SPAG17: variants seen among roughly 807,000 people sequenced by gnomAD.
SPAG17 encodes the protein sperm associated antigen 17.
Under a neutral mutation model 273.6 loss-of-function variants are expected in SPAG17, and 169 were observed. The observed-to-expected ratio is 0.62, with a 90% CI of 0.55 to 0.70. The LOEUF is 0.70. SPAG17 is among the 30% of genes least tolerant of loss of function. SPAG17 has a pLI of 0.00. For synonymous variants in SPAG17, 825 were observed against 873.2 expected (o/e 0.94, Z 0.97); for missense variants, 2,557 against 2,627.8 (o/e 0.97, Z 0.59).
chr1:118,114,690 C>T (rs1243536593), intron 4 of SPAG17, among the ~76,000 whole-genome samples: 2 of 152,028 alleles, frequency 1.3e-5, no homozygotes, highest in African/African-American at 4.8e-5. Flanking sequence ...GGATGTGAAC[C>T]TGGTAGTAGT....
chr1:118,135,370 A>AATGTGTGTGTGTGTGT (rs1658282188), intron 3 of SPAG17, among the ~76,000 whole-genome samples: 3 of 125,820 alleles, frequency 2.4e-5, no homozygotes, highest in Non-Finnish European at 3.3e-5. Flanking sequence ...CAGCTCAAGC[A>AATGTGTGTGTGTGTGT]ATGTGTGTGT....
chr1:117,992,355 G>A, intron 36 of SPAG17, 111 bp downstream of exon 36: 2 of 1,016,546 alleles, frequency 2.0e-6, no homozygotes, highest in African/African-American at 1.6e-5. Context: ...TCCTTGTGTT[G>A]CACTAGACAA....
At chr1:118,082,494 G>C (rs1174024797) in intron 13 of SPAG17, among the ~76,000 whole-genome samples, 2 of 152,188 alleles carry the variant, frequency 1.3e-5, no homozygotes, top group African/African-American at 4.8e-5. Context: ...AGAGGTAAAA[G>C]AGTTACAGAA....
intron 1 of SPAG17, among the ~76,000 whole-genome samples, chr1:118,176,404 C>T (rs377304206): frequency 2.0e-5 from 3 of 152,060 alleles, no homozygotes; most frequent in East Asian, 1.9e-4. Context: ...AAACAGAGCA[C>T]GAATAGCTAT....
chr1:118,003,879 T>C (rs1307910106), intron 32 of SPAG17, among the ~76,000 whole-genome samples: 1 of 152,178 alleles, frequency 6.6e-6, no homozygotes, highest in African/African-American at 2.4e-5. Context: ...CTGTGATCCT[T>C]TGGAGGAGAA....
intron 3 of SPAG17, among the ~76,000 whole-genome samples, chr1:118,141,141 G>A (rs991890543): frequency 3.3e-5 from 5 of 152,138 alleles, no homozygotes; most frequent in Admixed American, 6.5e-5. Context: ...TTTGAGTTTT[G>A]CTTAATGTCC....
intron 43 of SPAG17, 128 bp downstream of exon 43, chr1:117,981,142 C>T: frequency 3.1e-6 from 3 of 966,644 alleles, no homozygotes; most frequent in Non-Finnish European, 4.4e-6. Context: ...CTGCATAGCT[C>T]CAGGATCCGT....
chr1:118,060,631 T>C (rs1652185757), intron 18 of SPAG17, among the ~76,000 whole-genome samples: 1 of 152,196 alleles, frequency 6.6e-6, no homozygotes, highest in Non-Finnish European at 1.5e-5. Context: ...TTTTATGCTT[T>C]TATAAGTTTT....
chr1:118,145,519 C>A (rs1658927203), intron 3 of SPAG17, among the ~76,000 whole-genome samples: 1 of 152,094 alleles, frequency 6.6e-6, no homozygotes, highest in African/African-American at 2.4e-5. Flanking sequence ...ATCTGAAGAT[C>A]TAATTTGCAT....
At chr1:118,116,041 T>G (rs897020316) in intron 3 of SPAG17, among the ~76,000 whole-genome samples, 1 of 152,166 alleles carries the variant, frequency 6.6e-6, no homozygotes, top group African/African-American at 2.4e-5. Flanking sequence ...TATTGAGTTT[T>G]CTTTGGGTGA....
chr1:117,958,828 T>A lies in SPAG17; in HGVS notation c.*1-4779A>T, dbSNP rs534136510. The A allele has an allele frequency of 9.9e-5, 92 of 925,124 alleles. No homozygotes were observed. In the African/African-American group the frequency reaches 1.5e-3, roughly 15 times the overall value. 57.3% of individuals were successfully genotyped at this position (925,124 alleles called of 1,614,324 possible). On this transcript the variant is annotated intron_variant, in intron 48 of 48. Coordinates refer to ENST00000336338, the MANE Select transcript of SPAG17 (RefSeq NM_206996.4). Reference sequence around the variant, plus strand: ...TGTATATTTTGTTGTTGCTTTGATATTGTGTCTGTTTACTGTTTCTAGAAG... The same window carrying A: ...TGTATATTTTGTTGTTGCTTTGATAATGTGTCTGTTTACTGTTTCTAGAAG...
intron 4 of SPAG17, among the ~76,000 whole-genome samples, chr1:118,112,725 T>C (rs1301151818): frequency 6.6e-6 from 1 of 152,174 alleles, no homozygotes; most frequent in Non-Finnish European, 1.5e-5. Context: ...CCCAGAAATT[T>C]ACATGCTGAA....
At chr1:118,016,673 T>C (rs963773598) in intron 28 of SPAG17, among the ~76,000 whole-genome samples, 2 of 152,218 alleles carry the variant, frequency 1.3e-5, no homozygotes, top group African/African-American at 2.4e-5. Flanking sequence ...GAAACATCTT[T>C]CTTCAACCCT....
intron 1 of SPAG17, among the ~76,000 whole-genome samples, chr1:118,154,172 C>T (rs1659530107): frequency 6.6e-6 from 1 of 152,160 alleles, no homozygotes; most frequent in Non-Finnish European, 1.5e-5. Flanking sequence ...CCACGTCTCC[C>T]CATTTCAAGG....
chr1:118,041,913 A>T lies in SPAG17; in HGVS notation c.2944T>A (p.Ser982Thr). 2 of 1,613,828 alleles carry T rather than the reference A, an allele frequency of 1.2e-6. No individual in the cohort carries two copies. Among genetic ancestry groups the T allele is most frequent in the East Asian group, 4.5e-5 (2 of 44,848 alleles). Residue 982 changes from serine to threonine, a missense_variant, in exon 21 of 49, where the codon TCT (serine) becomes ACT (threonine). Physicochemically the swap from Ser to Thr is moderately conservative, Grantham distance 58. Coordinates refer to ENST00000336338, the MANE Select transcript of SPAG17 (RefSeq NM_206996.4). ...TTGTAAGGTGATTTTTTCTTCAAAG[A>T]CCTACTATCCTCTTTCTCTGCGTTA... Reference protein sequence around the residue: ...KDNAEKEDSRSLKKKSPYKEK... With the variant: ...KDNAEKEDSRTLKKKSPYKEK...
In SPAG17 at chr1:118,066,728, C is replaced by T. The variant is rs376472694; in HGVS notation, c.2540+17G>A. ...AAACCCAACTAACTAATTAACTAAA[C>T]TTTCCAAATTTGTTACCTGAATCCA... is the stretch of plus-strand genomic sequence containing the variant. On this transcript the variant is annotated intron_variant, in intron 18 of 48. Transcript: ENST00000336338. 8 of 1,604,048 alleles carry T rather than the reference C, an allele frequency of 5.0e-6. No individual in the cohort carries two copies. In the Admixed American group the frequency reaches 1.0e-4, roughly 20 times the overall value.
At chr1:118,005,907 T>C (rs1342144998) in intron 31 of SPAG17, among the ~76,000 whole-genome samples, 1 of 152,190 alleles carries the variant, frequency 6.6e-6, no homozygotes, top group Non-Finnish European at 1.5e-5. Context: ...TAGCTGAGGT[T>C]ACATACATGT....
At chr1:118,028,526 G>T in intron 25 of SPAG17, 132 bp from the exon 26 acceptor site, 1 of 1,068,200 alleles carries the variant, frequency 9.4e-7, no homozygotes, top group Non-Finnish European at 1.3e-6. Context: ...CTGCAAGGAC[G>T]CAGGAGTCTC....
At chr1:118,041,759 A>G in intron 21 of SPAG17, 44 bp downstream of exon 21, 1 of 1,574,256 alleles carries the variant, frequency 6.4e-7, no homozygotes, top group Non-Finnish European at 8.6e-7. Flanking sequence ...CAAAACAATT[A>G]GGAATAGCCC....
Sources: gnomAD v4.1 joint callset for allele counts (sites outside exome capture counted in the v4.1 genomes callset) on GRCh38, gnomAD v4.1.1 for gene constraint, MANE v1.5 for transcripts, NCBI Gene and HGNC (gene_info 2026-07-23, HGNC 2026-07-21) for gene names.